ANKRD30B: variants seen among roughly 807,000 people sequenced by gnomAD.
ANKRD30B encodes ankyrin repeat domain-containing protein 30B.
Under a neutral mutation model 202.2 loss-of-function variants are expected in ANKRD30B, and 144 were observed. The ratio of observed to expected loss-of-function variants is 0.71; its 90% CI spans 0.62 to 0.82. ANKRD30B has a LOEUF of 0.82. ANKRD30B is among the 40% of genes least tolerant of loss of function. The pLI, the probability that ANKRD30B is intolerant of heterozygous loss-of-function variation, is 0.00. For missense variants in ANKRD30B, 1,487 were observed against 1,669.1 expected, an observed-to-expected ratio of 0.89 and a Z score of 1.90; for synonymous variants, 508 against 561.3, an observed-to-expected ratio of 0.91 and a Z score of 1.34.
chr18:14,790,089 T>C (rs959179195), intron 15 of ANKRD30B, among the ~76,000 whole-genome samples: 4 of 152,192 alleles, frequency 2.6e-5, no homozygotes, highest in Non-Finnish European at 4.4e-5. Context: ...GTAGTTCTCC[T>C]TGAAGAGGTC....
the ANKRD30B span, among the ~76,000 whole-genome samples, chr18:14,908,074 G>C: frequency 6.6e-6 from 1 of 152,134 alleles, no homozygotes; most frequent in Non-Finnish European, 1.5e-5. Context: ...GAAATAATTG[G>C]GGGTTTGCAG....
the ANKRD30B span, chr18:14,915,599 T>C: frequency 6.6e-6 from 1 of 152,174 alleles, no homozygotes. Context: ...GCAGAGAAAA[T>C]GAGTATCGTC....
the ANKRD30B span, among the ~76,000 whole-genome samples, chr18:14,934,270 C>T: frequency 5.3e-5 from 8 of 152,342 alleles, no homozygotes; most frequent in East Asian, 3.9e-4. Flanking sequence ...TGGGCAGGGG[C>T]GTGTCAGTGC....
intron 15 of ANKRD30B, among the ~76,000 whole-genome samples, chr18:14,789,423 T>G (rs1306051035): frequency 1.3e-5 from 2 of 152,184 alleles, no homozygotes; most frequent in African/African-American, 4.8e-5. Flanking sequence ...TTTTGGCTTT[T>G]GTTGCCATTG....
At chr18:14,878,547 A>G in the ANKRD30B span, among the ~76,000 whole-genome samples, 1 of 151,954 alleles carries the variant, frequency 6.6e-6, no homozygotes, top group Non-Finnish European at 1.5e-5. Flanking sequence ...AAACTCCATC[A>G]TCCGAATAAC....
At chr18:14,885,627 C>G in the ANKRD30B span, among the ~76,000 whole-genome samples, 2 of 151,906 alleles carry the variant, frequency 1.3e-5, no homozygotes, top group African/African-American at 4.8e-5. Flanking sequence ...GCTAGGTCCC[C>G]TCGTACATCT....
At chr18:14,845,157 G>A (rs576460296) in intron 39 of ANKRD30B, among the ~76,000 whole-genome samples, 3 of 152,026 alleles carry the variant, frequency 2.0e-5, no homozygotes, top group African/African-American at 7.2e-5. Context: ...TAGTTCTGAA[G>A]TATTTGCCCA....
intron 9 of ANKRD30B, among the ~76,000 whole-genome samples, chr18:14,777,550 C>A (rs1258220768): frequency 1.3e-5 from 2 of 151,926 alleles, no homozygotes; most frequent in African/African-American, 4.8e-5. Flanking sequence ...CCCACCTTGG[C>A]CTCCCAAAGT....
chr18:14,891,955 T>C, the ANKRD30B span, among the ~76,000 whole-genome samples: 2 of 152,220 alleles, frequency 1.3e-5, no homozygotes, highest in Non-Finnish European at 2.9e-5. Context: ...ATGGAATAAA[T>C]GTATCAGTTA....
At chr18:14,890,155 G>T in the ANKRD30B span, 2 of 713,964 alleles carry the variant, frequency 2.8e-6, no homozygotes, top group South Asian at 1.6e-5. Flanking sequence ...TCCATGAATG[G>T]CCATTTGTTC....
chr18:14,765,160 G>T (rs1186006459), intron 7 of ANKRD30B, among the ~76,000 whole-genome samples: 1 of 152,146 alleles, frequency 6.6e-6, no homozygotes, highest in Admixed American at 6.5e-5. Context: ...TAAAGTGCCA[G>T]ATAGGAAATA....
chr18:14,834,057 G>A (rs1971071576), intron 34 of ANKRD30B, among the ~76,000 whole-genome samples: 1 of 152,072 alleles, frequency 6.6e-6, no homozygotes, highest in Admixed American at 6.6e-5. Flanking sequence ...GGAAGAAGCA[G>A]AATTTATACG....
the ANKRD30B span, among the ~76,000 whole-genome samples, chr18:14,889,599 C>T: frequency 0.02 from 3,006 of 151,202 alleles, 49 homozygotes; most frequent in Admixed American, 0.029. Context: ...ATGAACTAAA[C>T]ATTTCAAGAT....
chr18:14,752,204 C>T lies in ANKRD30B; in HGVS notation c.222-362C>T, dbSNP rs772097834. Among the ~76,000 whole-genome samples, 6 of 152,242 alleles carry T rather than the reference C, an allele frequency of 3.9e-5. No homozygotes were observed. In the South Asian group the frequency reaches 6.2e-4, roughly 16 times the overall value. On this transcript the variant is annotated intron_variant, in intron 1 of 43. Transcript: ENST00000690538. ...CTCCAAAATACTTTGCATAGATTCT[C>T]AATGAGGCATCACAGTGATGTCCTG...
chr18:14,866,290 T>C, the ANKRD30B span, among the ~76,000 whole-genome samples: 5 of 151,958 alleles, frequency 3.3e-5, no homozygotes, highest in African/African-American at 4.8e-5. Flanking sequence ...TCACTCTAGA[T>C]GGTGGTGGCA....
At chr18:14,937,880 C>T in the ANKRD30B span, among the ~76,000 whole-genome samples, 1 of 152,214 alleles carries the variant, frequency 6.6e-6, no homozygotes, top group Non-Finnish European at 1.5e-5. Context: ...AGGCCCCTGG[C>T]GTCTCTGGGT....
rs191630159 is a variant in ANKRD30B, at chr18:14,767,556, G to A, written c.1226-1787G>A. On this transcript the variant is annotated intron_variant, in intron 7 of 43. Coordinates refer to ENST00000690538, the MANE Select transcript of ANKRD30B (RefSeq NM_001367607.2). ...ATGCCTATGTGATGAGATGAAGTCAGGTGAATGAGGTAGGAGTTGTCATGT... is the reference window on the plus strand; with the variant it reads ...ATGCCTATGTGATGAGATGAAGTCAAGTGAATGAGGTAGGAGTTGTCATGT... 8.5e-5 allele frequency among the ~76,000 whole-genome samples: 13 copies of A among 152,262 alleles called. No individual in the cohort carries two copies. In the East Asian group the frequency reaches 2.1e-3, roughly 25 times the overall value.
intron 11 of ANKRD30B, among the ~76,000 whole-genome samples, chr18:14,781,352 T>C (rs1967732762): frequency 8.9e-6 from 1 of 111,936 alleles, no homozygotes; most frequent in Admixed American, 1.1e-4. Flanking sequence ...TGGAGTGCAG[T>C]GGCTGGATCT....
At chr18:14,792,107 T>C (rs778075179) in intron 16 of ANKRD30B, among the ~76,000 whole-genome samples, 11 of 152,200 alleles carry the variant, frequency 7.2e-5, no homozygotes, top group Non-Finnish European at 1.5e-4. Context: ...GTATAGACCA[T>C]AAGTTTTCAA....
Sources: allele counts gnomAD v4.1 joint callset (sites outside exome capture counted in the v4.1 genomes callset), GRCh38; gene constraint gnomAD v4.1.1; transcripts MANE v1.5; gene names NCBI Gene and HGNC (gene_info 2026-07-23, HGNC 2026-07-21).